Variants in TICRR observed in about 807,000 individuals in gnomAD.
TICRR encodes treslin.
In TICRR, 132 loss-of-function variants were observed where a neutral mutation model predicts 178.1. The observed-to-expected ratio is 0.74, with a 90% confidence interval of 0.64 to 0.86. The LOEUF is 0.86. Ranked by LOEUF, TICRR falls within the 40% of genes least tolerant of loss-of-function variation. The pLI is 0.00. For missense variants in TICRR, 2,587 were observed against 2,334.3 expected, an observed-to-expected ratio of 1.11 and a Z score of -2.23; for synonymous variants, 991 against 900.7, an observed-to-expected ratio of 1.10 and a Z score of -1.79.
intron 4 of TICRR, among the ~76,000 whole-genome samples, chr15:89,588,805 T>TA (rs760486370): frequency 2.0e-5 from 3 of 152,080 alleles, no homozygotes; most frequent in Non-Finnish European, 4.4e-5. Flanking sequence ...AGTCGGGAGC[T>TA]AACAGTCTTT....
chr15:89,588,774 C>A (rs998002886), intron 4 of TICRR, among the ~76,000 whole-genome samples: 1 of 152,080 alleles, frequency 6.6e-6, no homozygotes, highest in Non-Finnish European at 1.5e-5. Context: ...CTGAGTAGTA[C>A]TGGAGAGACT....
rs1456105736 is a variant in TICRR, at chr15:89,624,874, TC to T, written c.4567del (p.Arg1523ValfsTer18). 1 of 1,614,000 alleles carries T rather than the reference TC, an allele frequency of 6.2e-7. No homozygotes were observed. The highest frequency in any genetic ancestry group is 1.7e-5 in the Admixed American group (1 of 60,022). On this transcript the variant is annotated frameshift_variant, in exon 20 of 22. Coordinates refer to ENST00000268138, the MANE Select transcript of TICRR (RefSeq NM_152259.4). LOFTEE classifies it high-confidence loss of function. ...SCGPGSPLMP[S>X]RDVHCTTDGR... ...TGGGCCTGGCTCTCCTCTGATGCCT[TC>T]CCGTGACGTGCACTGTACCACAGAT...
At position 89,616,458 on chromosome 15, in the gene TICRR, A is replaced by G. The variant is rs771984703; in HGVS notation, c.2923A>G (p.Ile975Val). ...GGCCGAGACTCCAGTGCATAAGCAG[A>G]TCTCCAAAAGGCTGCTGCACAGACA... ...SVAETPVHKQISKRLLHRQIK... is the reference protein window; with the variant it reads ...SVAETPVHKQVSKRLLHRQIK... Residue 975 changes from isoleucine to valine, a missense_variant, in exon 16 of 22, where the codon ATC becomes GTC. Transcript: ENST00000268138. 6.2e-7 allele frequency: 1 copy of G among 1,614,022 alleles called. No individual in the cohort carries two copies. The highest frequency in any genetic ancestry group is 1.1e-5 in the South Asian group (1 of 91,076).
At position 89,584,309 on chromosome 15, in the gene TICRR, T is replaced by C. The variant is rs1162342523; in HGVS notation, c.958T>C (p.Trp320Arg). 3 of 1,612,268 alleles carry C rather than the reference T, an allele frequency of 1.9e-6. No homozygotes were observed. Among genetic ancestry groups the C allele is most frequent in the South Asian group, 2.2e-5 (2 of 90,746 alleles). Residue 320 changes from tryptophan to arginine, a missense_variant, in exon 3 of 22, where the codon TGG (tryptophan) becomes CGG (arginine). Physicochemically the swap from Trp to Arg is moderately radical, Grantham distance 101. Transcript: ENST00000268138. ...AGCAGGCAAAGAGATTCAAGAAACA[T>C]GGACAGTCACCCTAGAGCCCTTGGC... ...VEAGKEIQET[W>R]TVTLEPLAMH...
At chr15:89,588,683 C>T (rs1962861126) in intron 4 of TICRR, among the ~76,000 whole-genome samples, 1 of 151,916 alleles carries the variant, frequency 6.6e-6, no homozygotes, top group South Asian at 2.1e-4. Flanking sequence ...GCTGGGGCAC[C>T]AGAGGTGAGG....
chr15:89,626,853 C>T, intron 21 of TICRR, 103 bp from the exon 22 acceptor site: 2 of 1,326,416 alleles, frequency 1.5e-6, no homozygotes, highest in South Asian at 2.7e-5. Flanking sequence ...TGCTGATTTT[C>T]TTAAAGTCTG....
intron 12 of TICRR, among the ~76,000 whole-genome samples, chr15:89,602,235 G>T (rs1021637644): frequency 2.0e-5 from 3 of 152,134 alleles, no homozygotes; most frequent in Non-Finnish European, 4.4e-5. Context: ...GGCAATTTTT[G>T]TTGTACTAAC....
At chr15:89,618,044 C>T (rs1037438643) in intron 16 of TICRR, 108 bp from the exon 17 acceptor site, 1 of 1,151,890 alleles carries the variant, frequency 8.7e-7, no homozygotes, top group African/African-American at 1.5e-5. Flanking sequence ...CTGGTGTTAT[C>T]AGACCCTGTG....
In TICRR at chr15:89,624,415, A is replaced by G. The variant is rs1299449279; in HGVS notation, c.4105A>G (p.Thr1369Ala). Reference protein sequence around the residue: ...STPPELSQRATLDTVPPPPPS... With the variant: ...STPPELSQRAALDTVPPPPPS... ...TCCCCCTGAACTCTCACAGAGAGCT[A>G]CATTGGACACCGTCCCTCCTCCACC... The change falls in exon 20 of 22, where the codon ACA becomes GCA. Residue 1369 changes from threonine to alanine, a missense_variant. By Grantham distance (58) the Thr-to-Ala change is moderately conservative (BLOSUM62 0). Coordinates refer to ENST00000268138, the MANE Select transcript of TICRR (RefSeq NM_152259.4). 2 of 1,614,088 alleles carry G rather than the reference A, an allele frequency of 1.2e-6. No homozygotes were observed. The highest frequency in any genetic ancestry group is 2.7e-5 in the African/African-American group (2 of 74,930).
At chr15:89,576,612 A>C (rs1299943245) in intron 1 of TICRR, among the ~76,000 whole-genome samples, 1 of 151,948 alleles carries the variant, frequency 6.6e-6, no homozygotes, top group Non-Finnish European at 1.5e-5. Flanking sequence ...GGCCAGTCTT[A>C]ACTTCACTTA....
chr15:89,619,221 C>CTTTTTTTTTTT lies in TICRR; in HGVS notation c.3020-478_3020-468dup, dbSNP rs386383750. Among the ~76,000 whole-genome samples, 102 of 111,926 alleles carry CTTTTTTTTTTT rather than the reference C, an allele frequency of 9.1e-4. 1 individual carries two copies. Among genetic ancestry groups the CTTTTTTTTTTT allele is most frequent in the Non-Finnish European group, 1.3e-3 (73 of 57,892 alleles). 73.4% of individuals were successfully genotyped at this position (111,926 alleles called of 152,430 possible). On this transcript the variant is annotated intron_variant, in intron 17 of 21. Transcript: ENST00000268138. ...CTTGTTTTCGCCCTACACCATTCTT[C>CTTTTTTTTTTT]TTTTTTTTTTTTTTTTTTTGGTGAG...
chr15:89,579,812 C>G (rs772909315), intron 1 of TICRR: 2 of 152,108 alleles, frequency 1.3e-5, no homozygotes, highest in Non-Finnish European at 2.9e-5. Context: ...TCTGCAGAGT[C>G]CCCACCAGCA....
rs1211749147 is a variant in TICRR, at chr15:89,627,504, T to C, written c.*418T>C. 1 of 186,844 alleles carries C rather than the reference T, an allele frequency of 5.4e-6. No individual in the cohort carries two copies. Among genetic ancestry groups the C allele is most frequent in the African/African-American group, 2.3e-5 (1 of 42,578 alleles). The allele number at this position is 186,844 out of a possible 1,614,324, so 11.6% of individuals were successfully genotyped here. A position where few individuals can be genotyped will look rare whatever the true frequency, so the allele number is the denominator to read the frequency against. On this transcript the variant is annotated 3_prime_UTR_variant, in exon 22 of 22. Transcript: ENST00000268138. ...GCGACACAGGCAGCGCTTTGTAAAC[T>C]GTGAAGCCATATACGTGAAACTGAA... is the stretch of plus-strand genomic sequence containing the variant.
At chr15:89,585,461 A>G (rs147387127) in intron 3 of TICRR, among the ~76,000 whole-genome samples, 1 of 152,322 alleles carries the variant, frequency 6.6e-6, no homozygotes, top group African/African-American at 2.4e-5. Context: ...AGGATTCAGT[A>G]AGCACATAGT....
At chr15:89,577,060 AT>A (rs888514374) in intron 1 of TICRR, among the ~76,000 whole-genome samples, 2 of 151,528 alleles carry the variant, frequency 1.3e-5, no homozygotes, top group East Asian at 1.9e-4. Context: ...TGCCTGGCTA[AT>A]TTTTTTGTAT....
chr15:89,584,541 A>G lies in TICRR; in HGVS notation c.1176+14A>G, dbSNP rs149538178. 2.7e-5 allele frequency: 41 copies of G among 1,527,318 alleles called. No homozygotes were observed. The African/African-American group carries it at 5.7e-4, about 21-fold the overall frequency. 94.6% of individuals were successfully genotyped at this position (1,527,318 alleles called of 1,614,324 possible). On this transcript the variant is annotated intron_variant, in intron 3 of 21. Coordinates refer to ENST00000268138, the MANE Select transcript of TICRR (RefSeq NM_152259.4). ...GAGTTACACCTGGTAGGTATCCTCC[A>G]CACGGGAAGTTATTCTTGTCTAACA... is the stretch of plus-strand genomic sequence containing the variant.
Position 89,595,522 on chromosome 15 carries a change from G to C in TICRR, c.1811G>C (p.Gly604Ala). The change falls in exon 7 of 22, where the codon GGG becomes GCG. Residue 604 changes from glycine to alanine, a missense_variant. Physicochemically the swap from Gly to Ala is moderately conservative, Grantham distance 60. Transcript: ENST00000268138. ...LHPDGSPDVA[G>A]EKGIQKIPSG... is the part of the protein sequence containing the mutation. ...CCAGATGGCAGTCCGGATGTGGCTG[G>C]GGAGAAAGGAATCCAAAAGATACCT... The C allele has an allele frequency of 1.2e-6, 2 of 1,614,136 alleles. No homozygotes were observed. Among genetic ancestry groups the C allele is most frequent in the Non-Finnish European group, 1.7e-6 (2 of 1,180,032 alleles).
chr15:89,625,183 C>A lies in TICRR; in HGVS notation c.4873C>A (p.Pro1625Thr), dbSNP rs538969502. The change falls in exon 20 of 22, where the codon CCC (proline) becomes ACC (threonine). Residue 1625 changes from proline to threonine, a missense_variant. Transcript: ENST00000268138. ...ACCTGAACCCACCTATGTGTCACCC[C>A]CCTGCCCCCGCCTCTCCCACAGCAC... ...SKPEPTYVSP[P>T]CPRLSHSTPG... is the part of the protein sequence containing the mutation. 9.3e-6 allele frequency: 15 copies of A among 1,613,832 alleles called. No individual in the cohort carries two copies. The African/African-American group carries it at 1.3e-4, about 14-fold the overall frequency.
In TICRR at chr15:89,575,504, G is replaced by GT; in HGVS notation, c.-82dup. On this transcript the variant is annotated 5_prime_UTR_variant, in exon 1 of 22. Coordinates refer to ENST00000268138, the MANE Select transcript of TICRR (RefSeq NM_152259.4). The stretch of plus-strand genomic sequence containing the variant: ...CCAGGGTCCCAAAGGAAAGCAGTGA[G>GT]TGGTGCTGTTTCCCTGAAGGAAGGG... 1.5e-6 allele frequency: 2 copies of GT among 1,309,082 alleles called. No homozygotes were observed. Among genetic ancestry groups the GT allele is most frequent in the Non-Finnish European group, 2.0e-6 (2 of 994,078 alleles). 81.1% of individuals were successfully genotyped at this position (1,309,082 alleles called of 1,614,324 possible).
Sources: gnomAD v4.1 joint callset for allele counts (sites outside exome capture counted in the v4.1 genomes callset) on GRCh38, gnomAD v4.1.1 for gene constraint, MANE v1.5 for transcripts, NCBI Gene and HGNC (gene_info 2026-07-23, HGNC 2026-07-21) for gene names.